The following KIF16B variants were observed in gnomAD, a reference collection of about 807,000 sequenced individuals.
KIF16B encodes kinesin family member 16B.
A neutral mutation model predicts 156.3 loss-of-function variants in KIF16B; 98 were observed. That is an observed-to-expected ratio of 0.63 (90% CI 0.53 to 0.74). KIF16B has a LOEUF of 0.74. Ranked by LOEUF, KIF16B falls within the 30% of genes least tolerant of loss-of-function variation. KIF16B has a pLI of 0.00. For synonymous variants in KIF16B, 564 were observed against 583.7 expected (o/e 0.97, Z 0.49); for missense variants, 1,421 against 1,606.5 (o/e 0.88, Z 1.97).
Position 16,273,493 on chromosome 20 carries a change from C to A in KIF16B, c.3796-82G>T, listed in dbSNP as rs556128903. On this transcript the variant is annotated intron_variant, in intron 25 of 25. Coordinates refer to ENST00000354981, the MANE Select transcript of KIF16B (RefSeq NM_024704.5). ...ATCGCTTGAGCTCAGGAGTTTGAGA[C>A]CAGTCCAGGCAACATGGAGAAACCT... The A allele has an allele frequency of 1.5e-5, 17 of 1,125,538 alleles. No homozygotes were observed. The African/African-American group carries it at 2.1e-4, about 14-fold the overall frequency. 69.7% of individuals were successfully genotyped at this position (1,125,538 alleles called of 1,614,324 possible).
chr20:16,309,806 T>C (rs1317594806), intron 25 of KIF16B, among the ~76,000 whole-genome samples: 1 of 152,228 alleles, frequency 6.6e-6, no homozygotes, highest in Non-Finnish European at 1.5e-5. Flanking sequence ...CTTGAATCCA[T>C]ATGTGTTTAT....
chr20:16,487,190 T>C (rs535513803), intron 12 of KIF16B, among the ~76,000 whole-genome samples: 1 of 151,964 alleles, frequency 6.6e-6, no homozygotes, highest in African/African-American at 2.4e-5. Flanking sequence ...AGGCGGAGCT[T>C]GCAGTGAGCC....
At chr20:16,433,448 C>A (rs1372748532) in intron 12 of KIF16B, among the ~76,000 whole-genome samples, 12 of 151,962 alleles carry the variant, frequency 7.9e-5, no homozygotes. Context: ...GTTTACTATT[C>A]TTTCTTTTTT....
chr20:16,290,133 C>A, intron 25 of KIF16B, among the ~76,000 whole-genome samples: 1 of 152,174 alleles, frequency 6.6e-6, no homozygotes, highest in East Asian at 1.9e-4. Context: ...AATGACTGCT[C>A]CAAACGACCA....
chr20:16,295,603 T>A (rs1001977811), intron 25 of KIF16B, among the ~76,000 whole-genome samples: 1 of 151,720 alleles, frequency 6.6e-6, no homozygotes, highest in Non-Finnish European at 1.5e-5. Context: ...TCATTATACA[T>A]CTCTTCTCCC....
chr20:16,554,969 C>T (rs376400794), intron 1 of KIF16B, among the ~76,000 whole-genome samples: 62 of 152,350 alleles, frequency 4.1e-4, no homozygotes, highest in African/African-American at 1.3e-3. Flanking sequence ...CACCCTTTGC[C>T]GCTCCATGCC....
chr20:16,373,222 T>C (rs768572174), intron 20 of KIF16B, among the ~76,000 whole-genome samples: 11 of 152,212 alleles, frequency 7.2e-5, no homozygotes, highest in Non-Finnish European at 1.6e-4. Flanking sequence ...AACAAAATTG[T>C]GTGCTACTGA....
chr20:16,559,734 T>C (rs1479015512), intron 1 of KIF16B, among the ~76,000 whole-genome samples: 2 of 152,122 alleles, frequency 1.3e-5, no homozygotes, highest in Non-Finnish European at 2.9e-5. Context: ...GCTGTGATCA[T>C]GCCACTATAC....
intron 24 of KIF16B, among the ~76,000 whole-genome samples, chr20:16,313,901 C>T (rs775847879): frequency 6.6e-6 from 1 of 152,176 alleles, no homozygotes; most frequent in Non-Finnish European, 1.5e-5. Flanking sequence ...TGATCACTTT[C>T]CTATAGATCT....
Position 16,320,030 on chromosome 20 carries a change from C to G in KIF16B, c.3712-7612G>C, listed in dbSNP as rs561970912. Reference sequence around the variant, plus strand: ...CCTAGGACTATAGAAGGCTTCCTCTCACCATACCTTACCATCACATCATGG... The same window carrying G: ...CCTAGGACTATAGAAGGCTTCCTCTGACCATACCTTACCATCACATCATGG... On this transcript the variant is annotated intron_variant, in intron 24 of 25. Coordinates refer to ENST00000354981, the MANE Select transcript of KIF16B (RefSeq NM_024704.5). 4.4e-4 allele frequency among the ~76,000 whole-genome samples: 67 copies of G among 152,260 alleles called. 1 individual carries two copies. The highest frequency in any genetic ancestry group is 1.4e-3 in the Admixed American group (21 of 15,290).
chr20:16,564,295 T>A (rs1015138770), intron 1 of KIF16B, among the ~76,000 whole-genome samples: 1 of 152,234 alleles, frequency 6.6e-6, no homozygotes, highest in Non-Finnish European at 1.5e-5. Flanking sequence ...TAGTATTCCA[T>A]GGTGTATATG....
intron 1 of KIF16B, among the ~76,000 whole-genome samples, chr20:16,549,624 G>A (rs1261193337): frequency 3.9e-5 from 6 of 152,008 alleles, no homozygotes; most frequent in Admixed American, 3.3e-4. Context: ...AACCAAAACA[G>A]CATGGTACTG....
At chr20:16,350,502 T>C (rs1438383572) in intron 23 of KIF16B, among the ~76,000 whole-genome samples, 1 of 151,770 alleles carries the variant, frequency 6.6e-6, no homozygotes, top group Non-Finnish European at 1.5e-5. Context: ...GACATGGGTA[T>C]ACTGGAGCGC....
intron 24 of KIF16B, among the ~76,000 whole-genome samples, chr20:16,324,787 A>G (rs950622798): frequency 6.6e-6 from 1 of 152,056 alleles, no homozygotes; most frequent in African/African-American, 2.4e-5. Context: ...AATCCACCCT[A>G]AAGCATTCTT....
chr20:16,443,170 G>A (rs1167379869), intron 12 of KIF16B, among the ~76,000 whole-genome samples: 1 of 151,988 alleles, frequency 6.6e-6, no homozygotes, highest in Non-Finnish European at 1.5e-5. Context: ...ATGGAGAAGA[G>A]AGAATATAAC....
At chr20:16,472,353 G>A (rs1454340475) in intron 12 of KIF16B, among the ~76,000 whole-genome samples, 3 of 152,002 alleles carry the variant, frequency 2.0e-5, no homozygotes, top group Admixed American at 6.5e-5. Flanking sequence ...TTCCAGTGAG[G>A]TGGAAATGAT....
chr20:16,411,284 T>C (rs1025509675), intron 15 of KIF16B, among the ~76,000 whole-genome samples: 1 of 152,136 alleles, frequency 6.6e-6, no homozygotes, highest in Non-Finnish European at 1.5e-5. Flanking sequence ...ATCTTCACTT[T>C]TAGCTTTATG....
At chr20:16,331,213 A>G (rs1295307167) in intron 24 of KIF16B, among the ~76,000 whole-genome samples, 2 of 152,204 alleles carry the variant, frequency 1.3e-5, no homozygotes, top group African/African-American at 4.8e-5. Context: ...ATATTGTTGA[A>G]TAATGTCAAT....
chr20:16,470,279 G>C (rs1465913383), intron 12 of KIF16B, among the ~76,000 whole-genome samples: 1 of 152,118 alleles, frequency 6.6e-6, no homozygotes, highest in Non-Finnish European at 1.5e-5. Context: ...TTATACATTT[G>C]TCAAAATTCA....
Sources: gnomAD v4.1 joint callset for allele counts (sites outside exome capture counted in the v4.1 genomes callset) on GRCh38, gnomAD v4.1.1 for gene constraint, MANE v1.5 for transcripts, NCBI Gene and HGNC (gene_info 2026-07-23, HGNC 2026-07-21) for gene names.